The following NOC3L variants were observed in gnomAD, a reference collection of about 807,000 sequenced individuals.
NOC3L encodes the protein NOC3 like DNA replication regulator, also known as nucleolar complex protein 3 homolog.
In NOC3L, 85 loss-of-function variants were observed where a neutral mutation model predicts 102.5. The ratio of observed to expected loss-of-function variants is 0.83; its 90% CI spans 0.70 to 0.99. NOC3L has a LOEUF of 0.99. NOC3L is among the 50% of genes least tolerant of loss of function. NOC3L has a pLI of 0.00. For synonymous variants in NOC3L, 303 were observed against 309.4 expected, an observed-to-expected ratio of 0.98 and a Z score of 0.22; for missense variants, 878 against 914.9, an observed-to-expected ratio of 0.96 and a Z score of 0.52.
intron 13 of NOC3L, among the ~76,000 whole-genome samples, chr10:94,342,454 G>A (rs1021005269): frequency 2.0e-5 from 3 of 151,806 alleles, no homozygotes; most frequent in East Asian, 3.9e-4. Flanking sequence ...CATGCATATC[G>A]GTACAACTTT....
At chr10:94,328,470 C>T (rs1308080351), downstream of NOC3L, 2 of 152,518 alleles carry the variant, frequency 1.3e-5, no homozygotes, top group Non-Finnish European at 2.9e-5. Flanking sequence ...AACTTAAAAA[C>T]TATTCTTAAT....
Position 94,338,915 on chromosome 10 carries a change from CAAA to C in NOC3L, c.1963-182_1963-180del, listed in dbSNP as rs937545904. Among the ~76,000 whole-genome samples, 13 of 150,522 alleles carry C rather than the reference CAAA, an allele frequency of 8.6e-5. 1 individual carries two copies. Among genetic ancestry groups the C allele is most frequent in the Admixed American group, 8.6e-4 (13 of 15,138 alleles). ...GTTTATATAGTAAGAACAAGAGTTG[CAAA>C]AAAAAATTTTATCTTTGCTTGCTTT... On this transcript the variant is annotated intron_variant, in intron 17 of 20. Coordinates refer to ENST00000371361, the MANE Select transcript of NOC3L (RefSeq NM_022451.11).
chr10:94,315,799 A>C, the NOC3L span, among the ~76,000 whole-genome samples: 3 of 151,646 alleles, frequency 2.0e-5, no homozygotes, highest in African/African-American at 7.3e-5. Flanking sequence ...AAGTAACTAT[A>C]ATGGCTCATC....
intron 2 of NOC3L, among the ~76,000 whole-genome samples, chr10:94,360,658 C>A (rs923003086): frequency 6.6e-6 from 1 of 151,720 alleles, no homozygotes; most frequent in Non-Finnish European, 1.5e-5. Flanking sequence ...TGACTATAGT[C>A]AACAATAATT....
At chr10:94,359,747 G>A (rs114700576) in intron 2 of NOC3L, among the ~76,000 whole-genome samples, 1,881 of 152,016 alleles carry the variant, frequency 0.012, 46 homozygotes, top group African/African-American at 0.043. Context: ...TAACAATGCT[G>A]GCAAGGATGT....
At chr10:94,324,363 C>G in the NOC3L span, 1 of 1,613,908 alleles carries the variant, frequency 6.2e-7, no homozygotes, top group Admixed American at 1.7e-5. Flanking sequence ...TATGCAAAGC[C>G]AAATATTCCT....
the NOC3L span, among the ~76,000 whole-genome samples, chr10:94,316,953 T>TA: frequency 2.0e-5 from 3 of 152,214 alleles, no homozygotes; most frequent in Non-Finnish European, 4.4e-5. Context: ...AAATTCAATC[T>TA]AAAAAACATC....
chr10:94,331,491 C>A (rs2054155257), downstream of NOC3L: 1 of 152,160 alleles, frequency 6.6e-6, no homozygotes, highest in Non-Finnish European at 1.5e-5. Flanking sequence ...ATCTATGCTC[C>A]CATGCTAGTA....
intron 6 of NOC3L, among the ~76,000 whole-genome samples, chr10:94,354,439 G>T (rs2054458614): frequency 6.6e-6 from 1 of 151,636 alleles, no homozygotes. Flanking sequence ...TCAGGGCCAA[G>T]ATTAAACCTC....
intron 2 of NOC3L, among the ~76,000 whole-genome samples, chr10:94,360,314 C>T (rs2054538069): frequency 6.7e-6 from 1 of 150,098 alleles, no homozygotes; most frequent in African/African-American, 2.5e-5. Flanking sequence ...GACTCCATCT[C>T]AAAAAAAATA....
chr10:94,346,575 C>T lies in NOC3L; in HGVS notation c.1258-19G>A. On this transcript the variant is annotated intron_variant, in intron 10 of 20. Transcript: ENST00000371361. Reference sequence around the variant, plus strand: ...TTAACATCTAATATTGGAAAAAAAACACAAATATACAGCTTAATATTTATA... The same window carrying T: ...TTAACATCTAATATTGGAAAAAAAATACAAATATACAGCTTAATATTTATA... 7.9e-7 allele frequency: 1 copy of T among 1,265,392 alleles called. No individual in the cohort carries two copies. Among genetic ancestry groups the T allele is most frequent in the Non-Finnish European group, 1.1e-6 (1 of 939,898 alleles). 78.4% of individuals were successfully genotyped at this position (1,265,392 alleles called of 1,614,324 possible). A position where few individuals can be genotyped will look rare whatever the true frequency, so the allele number is the denominator to read the frequency against.
chr10:94,341,637 T>C (rs780730109), intron 14 of NOC3L, 36 bp downstream of exon 14: 19 of 1,152,320 alleles, frequency 1.6e-5, no homozygotes, highest in Admixed American at 5.7e-5. Flanking sequence ...GTAATTACCA[T>C]TTATATCTTT....
chr10:94,337,913 A>T (rs1214592705), intron 18 of NOC3L, 39 bp from the exon 19 acceptor site: 1 of 1,446,882 alleles, frequency 6.9e-7, no homozygotes, highest in Admixed American at 2.0e-5. Context: ...TGCACAGGTC[A>T]GTCCTTTACA....
intron 6 of NOC3L, among the ~76,000 whole-genome samples, chr10:94,353,878 C>T (rs985691505): frequency 4.6e-5 from 7 of 152,140 alleles, no homozygotes; most frequent in African/African-American, 1.7e-4. Flanking sequence ...GCCACATTAA[C>T]TTGAGCTTCA....
At chr10:94,314,929 ACAT>A in the NOC3L span, 1 of 152,720 alleles carries the variant, frequency 6.5e-6, no homozygotes, top group Non-Finnish European at 1.5e-5. Flanking sequence ...TTGTTTTAAT[ACAT>A]CAGTCCATGT....
At position 94,344,863 on chromosome 10, in the gene NOC3L, T is replaced by C. The variant is rs1274589884; in HGVS notation, c.1460A>G (p.Lys487Arg). 2.5e-6 allele frequency: 4 copies of C among 1,601,192 alleles called. No homozygotes were observed. The highest frequency in any genetic ancestry group is 1.3e-5 in the African/African-American group (1 of 74,192). The change falls in exon 12 of 21, where the codon AAA (lysine) becomes AGA (arginine). Residue 487 changes from lysine (K) to arginine (R), a missense_variant. Coordinates refer to ENST00000371361, the MANE Select transcript of NOC3L (RefSeq NM_022451.11). ...EAEASESTEK[K>R]LKLHTETLNI... ...TATGAAACTGCCTACCAGTTTAAGTTTTTTCTCAGTACTCTCTGAAGCTTC... is the reference window on the plus strand; with the variant it reads ...TATGAAACTGCCTACCAGTTTAAGTCTTTTCTCAGTACTCTCTGAAGCTTC...
Position 94,339,840 on chromosome 10 carries a change from G to T in NOC3L, c.1861C>A (p.Gln621Lys), listed in dbSNP as rs1445869493. ...LTKRRKQVSQQRALAFIKRLC... is the reference protein window; with the variant it reads ...LTKRRKQVSQKRALAFIKRLC... Reference sequence around the variant, plus strand: ...CGTTTGATGAAGGCAAGAGCTCGCTGCTGAGAAACTTGCTTTCTGCGCTTA... The same window carrying T: ...CGTTTGATGAAGGCAAGAGCTCGCTTCTGAGAAACTTGCTTTCTGCGCTTA... The change falls in exon 17 of 21, where the codon CAG becomes AAG. Residue 621 changes from glutamine to lysine, a missense_variant. Transcript: ENST00000371361. 2 of 1,614,146 alleles carry T rather than the reference G, an allele frequency of 1.2e-6. No homozygotes were observed. The highest frequency in any genetic ancestry group is 1.7e-6 in the Non-Finnish European group (2 of 1,179,968).
rs2054180653 is a variant in NOC3L at position 94,333,312 on chromosome 10, G to A, written c.*865C>T. 1 of 151,986 alleles carries A rather than the reference G, an allele frequency of 6.6e-6. No homozygotes were observed. Among genetic ancestry groups the A allele is most frequent in the African/African-American group, 2.4e-5 (1 of 41,388 alleles). 9.4% of individuals were successfully genotyped at this position (151,986 alleles called of 1,614,324 possible). A position where few individuals can be genotyped will look rare whatever the true frequency, so the allele number is the denominator to read the frequency against. Reference sequence around the variant, plus strand: ...TAGTCACTGAAACACGCATTTCTTAGGCCACTCCTAGAATATGGGAATAGC... The same window carrying A: ...TAGTCACTGAAACACGCATTTCTTAAGCCACTCCTAGAATATGGGAATAGC... On this transcript the variant is annotated 3_prime_UTR_variant, in exon 21 of 21. Transcript: ENST00000371361.
Position 94,357,341 on chromosome 10 carries a change from A to C in NOC3L, c.351-10T>G, listed in dbSNP as rs757844785. The C allele has an allele frequency of 1.9e-6, 3 of 1,550,570 alleles. No individual in the cohort carries two copies. The East Asian group carries it at 6.9e-5, about 36-fold the overall frequency. On this transcript the variant is annotated splice_polypyrimidine_tract_variant and intron_variant, in intron 3 of 20. Coordinates refer to ENST00000371361, the MANE Select transcript of NOC3L (RefSeq NM_022451.11). ...CGCATGAACAGGCTCACTGCAGGGG[A>C]AAAAAAGATCAATTTTCAGTCTTAA...
Sources: gnomAD v4.1 joint callset for allele counts (sites outside exome capture counted in the v4.1 genomes callset) on GRCh38, gnomAD v4.1.1 for gene constraint, MANE v1.5 for transcripts, NCBI Gene and HGNC (gene_info 2026-07-23, HGNC 2026-07-21) for gene names.